The following FAM53A variants were observed in gnomAD, a reference collection of about 807,000 sequenced individuals.
FAM53A encodes the protein protein FAM53A.
Under a neutral mutation model 26.6 loss-of-function variants are expected in FAM53A, and 28 were observed. The ratio of observed to expected loss-of-function variants is 1.05; its 90% CI spans 0.78 to 1.45. The LOEUF (loss-of-function observed/expected upper bound fraction) is 1.45. FAM53A is among the 40% of genes most tolerant of loss of function. The pLI is 0.00. For missense variants in FAM53A, 650 were observed against 575.8 expected, an observed-to-expected ratio of 1.13 and a Z score of -1.32; for synonymous variants, 290 against 253.1, an observed-to-expected ratio of 1.15 and a Z score of -1.38.
chr4:1,679,815 G>A (rs186845677), intron 1 of FAM53A, among the ~76,000 whole-genome samples: 1,594 of 149,602 alleles, frequency 0.011, 32 homozygotes, highest in African/African-American at 0.037. Flanking sequence ...TTGGGAGACC[G>A]AGGCGGGTGG....
chr4:1,670,514 G>C (rs1714563312), intron 1 of FAM53A, among the ~76,000 whole-genome samples: 1 of 152,212 alleles, frequency 6.6e-6, no homozygotes, highest in Admixed American at 6.5e-5. Context: ...CCCACCCATG[G>C]GGCTGTTCCA....
chr4:1,644,314 G>T, intron 4 of FAM53A: 1 of 1,535,982 alleles, frequency 6.5e-7, no homozygotes, highest in Non-Finnish European at 8.7e-7. Flanking sequence ...TCGGACGCGG[G>T]ACTCGCACTC....
At position 1,630,390 on chromosome 4, in the gene FAM53A, C is replaced by T. The variant is rs981785982; in HGVS notation, c.432-12279G>A. Among the ~76,000 whole-genome samples the T allele has an allele frequency of 3.9e-5, 6 of 152,238 alleles. No homozygotes were observed. Among genetic ancestry groups the T allele is most frequent in the African/African-American group, 1.4e-4 (6 of 41,460 alleles). ...GCCACAGCCAAGGTCTACACAAATG[C>T]ACGTCGGGGAGTTCCCATCAAACTC... is the stretch of plus-strand genomic sequence containing the variant. On this transcript the variant is annotated intron_variant, in intron 1 of 1. Coordinates refer to the FAM53A transcript ENST00000489029. This position sits in a 1 kb window ranked among gnomAD's most constrained non-coding sequence, Gnocchi z 4.3.
At chr4:1,601,420 G>A in the FAM53A span, among the ~76,000 whole-genome samples, 10 of 112,440 alleles carry the variant, frequency 8.9e-5, 3 homozygotes, top group East Asian at 2.1e-4. Context: ...CAGTCAGGGC[G>A]TGGCGGGAGG....
chr4:1,632,021 G>C (rs1715629874), intron 1 of FAM53A, among the ~76,000 whole-genome samples: 1 of 152,032 alleles, frequency 6.6e-6, no homozygotes, highest in South Asian at 2.1e-4. Flanking sequence ...AAAATTATAG[G>C]GGTGTGGTGG....
chr4:1,599,226 G>T, the FAM53A span, among the ~76,000 whole-genome samples: 4,580 of 150,532 alleles, frequency 0.03, 299 homozygotes, highest in African/African-American at 0.087. The surrounding 1 kb of genome is among the most constrained non-coding windows in gnomAD (Gnocchi z 6.1). Flanking sequence ...GTGCCGGAGC[G>T]CAGGGCCGTC....
At chr4:1,575,419 A>C in the FAM53A span, among the ~76,000 whole-genome samples, 2 of 152,002 alleles carry the variant, frequency 1.3e-5, no homozygotes, top group Non-Finnish European at 2.9e-5. Context: ...GTTTTAGGAG[A>C]CTTTGACAGG....
chr4:1,652,438 A>AC (rs1712935148), intron 4 of FAM53A, among the ~76,000 whole-genome samples: 1 of 144,792 alleles, frequency 6.9e-6, no homozygotes. Context: ...ACCACACATC[A>AC]CACACACACC....
downstream of FAM53A, among the ~76,000 whole-genome samples, chr4:1,615,612 C>T (rs112499581): frequency 2.3e-4 from 35 of 150,526 alleles, no homozygotes; most frequent in East Asian, 3.9e-4. Context: ...GATGTGGCCA[C>T]GCCCATCCCA....
At chr4:1,607,588 C>A in the FAM53A span, among the ~76,000 whole-genome samples, 2 of 152,066 alleles carry the variant, frequency 1.3e-5, no homozygotes, top group Admixed American at 1.3e-4. Context: ...GCCCCCCCAC[C>A]ACTGATGTCC....
chr4:1,586,306 G>C, the FAM53A span, among the ~76,000 whole-genome samples: 13 of 151,936 alleles, frequency 8.6e-5, no homozygotes, highest in East Asian at 7.8e-4. Context: ...CGATTCTCCT[G>C]ACTCAGCCTC....
rs1373510303 is a variant in FAM53A, at chr4:1,655,183, T to C, written c.677A>G (p.Gln226Arg). ...AGTGCCCGCACCCGCGAGTCGCTCC[T>C]GTGAGAGGGACGGGCGGCGCCTCGT... The part of the protein sequence containing the change: ...PSTRRRPSLS[Q>R]ERLAGAGTPL... Residue 226 changes from glutamine to arginine, a missense_variant, in exon 4 of 5, where the codon CAG becomes CGG. Gln to Arg is a conservative substitution (Grantham distance 43, BLOSUM62 1). Transcript: ENST00000308132. 1 of 1,570,670 alleles carries C rather than the reference T, an allele frequency of 6.4e-7. No homozygotes were observed. The highest frequency in any genetic ancestry group is 8.6e-7 in the Non-Finnish European group (1 of 1,164,792).
chr4:1,673,661 G>A (rs2109030568), intron 1 of FAM53A, among the ~76,000 whole-genome samples: 1 of 152,300 alleles, frequency 6.6e-6, no homozygotes, highest in East Asian at 1.9e-4. Flanking sequence ...TGAACCGGGT[G>A]GGGCAGAGGT....
the FAM53A span, among the ~76,000 whole-genome samples, chr4:1,578,361 G>C: frequency 6.6e-6 from 1 of 152,160 alleles, no homozygotes; most frequent in African/African-American, 2.4e-5. Flanking sequence ...AAGTGCCAGG[G>C]GCGGGCGTGC....
At chr4:1,583,418 G>A in the FAM53A span, among the ~76,000 whole-genome samples, 1 of 152,238 alleles carries the variant, frequency 6.6e-6, no homozygotes, top group African/African-American at 2.4e-5. Flanking sequence ...GGAGTCTCGT[G>A]TCTCCCTTGG....
intron 4 of FAM53A, among the ~76,000 whole-genome samples, chr4:1,648,728 G>T (rs569109293): frequency 6.6e-6 from 1 of 152,348 alleles, no homozygotes; most frequent in Admixed American, 6.5e-5. Context: ...TAAACGAAAA[G>T]CTTTTATTTC....
intron 1 of FAM53A, among the ~76,000 whole-genome samples, chr4:1,621,821 C>G (rs572900326): frequency 6.6e-6 from 1 of 152,360 alleles, no homozygotes; most frequent in African/African-American, 2.4e-5. Flanking sequence ...GGGAATATCC[C>G]TGCGGCCATG....
At chr4:1,614,475 T>C (rs867034400), downstream of FAM53A, among the ~76,000 whole-genome samples, 57 of 78,382 alleles carry the variant, frequency 7.3e-4, no homozygotes, top group African/African-American at 2.7e-3. Context: ...GTGAGGGGGA[T>C]GCAGAGACGT....
chr4:1,659,408 A>T lies in FAM53A; in HGVS notation c.76-1940T>A, dbSNP rs1057497142. On this transcript the variant is annotated intron_variant, in intron 2 of 4. Coordinates refer to ENST00000308132, the MANE Select transcript of FAM53A (RefSeq NM_001174070.3). This position sits in a 1 kb window ranked among gnomAD's most constrained non-coding sequence, Gnocchi z 5.2. ...AGCACCCGTTCCCCGGGGCCACATG[A>T]ACAGCACCCAGCTCGACGCTGCCAC... Among the ~76,000 whole-genome samples, 1 of 152,206 alleles carries T rather than the reference A, an allele frequency of 6.6e-6. No individual in the cohort carries two copies. The highest frequency in any genetic ancestry group is 1.9e-4 in the East Asian group (1 of 5,202).
Sources: allele counts gnomAD v4.1 joint callset (sites outside exome capture counted in the v4.1 genomes callset), GRCh38; gene constraint gnomAD v4.1.1; non-coding constraint Gnocchi (gnomAD v3.1); transcripts MANE v1.5; gene names NCBI Gene and HGNC (gene_info 2026-07-23, HGNC 2026-07-21).